The following DMD variants were observed in gnomAD, a reference collection of about 807,000 sequenced individuals.
The protein encoded by DMD is mutant dystrophin.
Under a neutral mutation model 330.1 loss-of-function variants are expected in DMD, and 63 were observed. The ratio of observed to expected loss-of-function variants is 0.19; its 90% CI spans 0.16 to 0.24. The LOEUF (loss-of-function observed/expected upper bound fraction) is 0.24, where lower values mean the gene tolerates loss of function less well. DMD is among the 10% of genes least tolerant of loss of function. The probability of loss-of-function intolerance (pLI) is 1.00; values close to 1 mark genes in which losing one functional copy is unlikely to be tolerated. For missense variants in DMD, 3,344 were observed against 2,684.1 expected (o/e 1.25, Z -5.43); for synonymous variants, 1,223 against 959.8 (o/e 1.27, Z -5.07).
chrX:31,632,552 T>A (rs1721784656), intron 54 of DMD, among the ~76,000 whole-genome samples: 1 of 111,886 alleles, frequency 8.9e-6, no homozygotes, highest in African/African-American at 3.2e-5. Flanking sequence ...TCTGAATCTT[T>A]CCTTCCTAGT....
chrX:32,850,274 G>A, intron 2 of DMD, among the ~76,000 whole-genome samples: 1 of 111,639 alleles, frequency 9.0e-6, no homozygotes, highest in Non-Finnish European at 1.9e-5. Context: ...CATGCTTGCT[G>A]TGCATACACA....
At chrX:32,344,548 G>T (rs1343292815) in intron 39 of DMD, among the ~76,000 whole-genome samples, 2 of 111,041 alleles carry the variant, frequency 1.8e-5, no homozygotes, top group Non-Finnish European at 3.8e-5. Context: ...ATCGAACGCT[G>T]CTTTTTTCAA....
chrX:32,018,231 A>C (rs1376194374), intron 44 of DMD, among the ~76,000 whole-genome samples: 1 of 111,069 alleles, frequency 9.0e-6, no homozygotes, highest in East Asian at 2.8e-4. Flanking sequence ...TTCCCATCCC[A>C]CCTTTTTCAA....
intron 16 of DMD, among the ~76,000 whole-genome samples, chrX:32,563,089 T>G (rs746963237): frequency 1.8e-5 from 2 of 110,577 alleles, no homozygotes; most frequent in African/African-American, 3.3e-5. Context: ...GTCTGTAATC[T>G]CAGCACTTTG....
intron 43 of DMD, among the ~76,000 whole-genome samples, chrX:32,234,652 C>T (rs1326397876): frequency 8.9e-6 from 1 of 112,222 alleles, no homozygotes; most frequent in African/African-American, 3.2e-5. Context: ...GATCACATAT[C>T]TTTTCCTTCC....
intron 48 of DMD, among the ~76,000 whole-genome samples, chrX:31,844,013 C>T (rs1405063260): frequency 9.0e-6 from 1 of 111,471 alleles, no homozygotes; most frequent in Non-Finnish European, 1.9e-5. Flanking sequence ...GATGCGCCAG[C>T]ATGCCCAGCT....
intron 2 of DMD, among the ~76,000 whole-genome samples, chrX:32,878,452 A>G (rs1157882445): frequency 8.9e-6 from 1 of 112,026 alleles, no homozygotes; most frequent in East Asian, 2.8e-4. Context: ...TCAAACCTGT[A>G]GCTCTATGGA....
At chrX:31,918,111 C>T (rs1039091403) in intron 47 of DMD, among the ~76,000 whole-genome samples, 1 of 112,740 alleles carries the variant, frequency 8.9e-6, no homozygotes, top group Non-Finnish European at 1.9e-5. Flanking sequence ...CGTGATGGCA[C>T]GTGGATCTTT....
intron 62 of DMD, among the ~76,000 whole-genome samples, chrX:31,321,376 G>T (rs1601847965): frequency 9.1e-6 from 1 of 109,400 alleles, no homozygotes; most frequent in Middle Eastern, 4.7e-3. Flanking sequence ...CCTGAGGTCA[G>T]GAGTTCGAGA....
chrX:31,980,576 T>A (rs1401147918), intron 44 of DMD, among the ~76,000 whole-genome samples: 1 of 111,778 alleles, frequency 8.9e-6, no homozygotes, highest in Non-Finnish European at 1.9e-5. Flanking sequence ...AAATTTTTAT[T>A]TTATTGAGGT....
intron 1 of DMD, among the ~76,000 whole-genome samples, chrX:33,293,929 G>T (rs1189886418): frequency 1.8e-5 from 2 of 111,526 alleles, no homozygotes; most frequent in East Asian, 5.7e-4. Context: ...TGAGAGGAAG[G>T]ATCTGCGCTA....
intron 55 of DMD, among the ~76,000 whole-genome samples, chrX:31,529,136 C>T (rs1360126640): frequency 1.4e-4 from 15 of 109,789 alleles, no homozygotes; most frequent in Admixed American, 6.8e-4. Flanking sequence ...GCAGGAGAAT[C>T]GCTTGAACCC....
chrX:32,756,105 C>A (rs1161012862), intron 7 of DMD: 11 of 112,192 alleles, frequency 9.8e-5, no homozygotes, highest in Non-Finnish European at 1.9e-4. Flanking sequence ...TAAATTAAAT[C>A]TTAGTAACAT....
chrX:32,049,206 C>T (rs1035670366), intron 44 of DMD, among the ~76,000 whole-genome samples: 3 of 111,254 alleles, frequency 2.7e-5, no homozygotes, highest in Admixed American at 9.6e-5. Flanking sequence ...CATGCATCCA[C>T]TTGGAGTTCT....
chrX:32,597,753 G>A (rs1433705542), intron 12 of DMD, among the ~76,000 whole-genome samples: 1 of 111,817 alleles, frequency 8.9e-6, no homozygotes, highest in Non-Finnish European at 1.9e-5. Context: ...GGTAAACAAA[G>A]GAGGCTGCTC....
At chrX:33,314,133 C>G (rs1001649838) in intron 1 of DMD, among the ~76,000 whole-genome samples, 1 of 108,523 alleles carries the variant, frequency 9.2e-6, no homozygotes, top group Non-Finnish European at 1.9e-5. Context: ...ACACACACAA[C>G]CCCCATTTAT....
At chrX:33,094,950 A>G (rs2095137231) in intron 1 of DMD, among the ~76,000 whole-genome samples, 1 of 112,088 alleles carries the variant, frequency 8.9e-6, no homozygotes, top group African/African-American at 3.2e-5. Flanking sequence ...AAAGGAAAAA[A>G]TCATAATCTA....
At chrX:32,527,925 G>A (rs2047071736) in intron 17 of DMD, among the ~76,000 whole-genome samples, 1 of 111,776 alleles carries the variant, frequency 8.9e-6, no homozygotes, top group Non-Finnish European at 1.9e-5. Flanking sequence ...CCACATGATT[G>A]TCTTGTATTT....
chrX:32,822,088 G>A (rs948862253), intron 5 of DMD, among the ~76,000 whole-genome samples: 10 of 111,502 alleles, frequency 9.0e-5, no homozygotes, highest in Non-Finnish European at 1.9e-4. Context: ...ATCCCGACCA[G>A]TAAAAACAGC....
Sources: allele counts gnomAD v4.1 joint callset (sites outside exome capture counted in the v4.1 genomes callset), GRCh38; gene constraint gnomAD v4.1.1; transcripts MANE v1.5; gene names NCBI Gene and HGNC (gene_info 2026-07-23, HGNC 2026-07-21).